Variants in EFR3B observed in about 807,000 individuals in gnomAD.
EFR3B encodes the protein EFR3 homolog B, also known as protein EFR3 homolog B.
In EFR3B, 64 loss-of-function variants were observed where a neutral mutation model predicts 104.7. The ratio of observed to expected loss-of-function variants is 0.61; its 90% CI spans 0.50 to 0.75. EFR3B has a LOEUF of 0.75. Among genes scored for constraint, EFR3B ranks in the 30% least tolerant of loss-of-function variants. The probability of loss-of-function intolerance (pLI) is 0.00; values close to 1 mark genes in which losing one functional copy is unlikely to be tolerated. For synonymous variants in EFR3B, 385 were observed against 417.9 expected, an observed-to-expected ratio of 0.92 and a Z score of 0.96; for missense variants, 750 against 1,078.5, an observed-to-expected ratio of 0.70 and a Z score of 4.27.
intron 5 of EFR3B, among the ~76,000 whole-genome samples, chr2:25,123,791 C>G (rs1281185052): frequency 6.6e-6 from 1 of 152,274 alleles, no homozygotes; most frequent in African/African-American, 2.4e-5. Context: ...TGCCACTGCA[C>G]ACACGTGCAC....
intron 1 of EFR3B, among the ~76,000 whole-genome samples, chr2:25,076,089 C>T (rs527431485): frequency 9.2e-5 from 14 of 151,724 alleles, no homozygotes; most frequent in African/African-American, 3.4e-4. Context: ...GATGAGGTCT[C>T]ACTTTGTTGC....
intron 3 of EFR3B, among the ~76,000 whole-genome samples, chr2:25,097,684 T>A (rs549549133): frequency 1.3e-5 from 2 of 152,300 alleles, no homozygotes; most frequent in African/African-American, 4.8e-5. Context: ...GCATGCAATA[T>A]GATGGGCAGT....
chr2:25,099,970 A>AG (rs1669386832), intron 3 of EFR3B, among the ~76,000 whole-genome samples: 1 of 152,048 alleles, frequency 6.6e-6, no homozygotes, highest in Non-Finnish European at 1.5e-5. Context: ...TGGGAGGCCG[A>AG]GGTGGGTGGG....
In EFR3B at chr2:25,130,209, G is replaced by A; in HGVS notation, c.770+100G>A. The A allele has an allele frequency of 1.3e-6, 2 of 1,496,498 alleles. No homozygotes were observed. The highest frequency in any genetic ancestry group is 2.5e-5 in the South Asian group (2 of 79,772). The allele number at this position is 1,496,498 out of a possible 1,614,324, so 92.7% of individuals were successfully genotyped here. On this transcript the variant is annotated intron_variant, in intron 7 of 22. Transcript: ENST00000403714. This position sits in a 1 kb window ranked among gnomAD's most constrained non-coding sequence, Gnocchi z 4.6. ...TGGCTGGGGGGAAGGGGATATTACA[G>A]TTGTGGTGCCGCAGCCGAGTCGATC...
intron 1 of EFR3B, among the ~76,000 whole-genome samples, chr2:25,087,482 A>ATTTTT (rs1191959079): frequency 7.1e-6 from 1 of 139,902 alleles, no homozygotes; most frequent in African/African-American, 2.6e-5. Context: ...GAAGAGCAGG[A>ATTTTT]TTTTTTTTTT....
At chr2:25,043,667 C>T (rs973101374) in intron 1 of EFR3B, among the ~76,000 whole-genome samples, 3 of 152,122 alleles carry the variant, frequency 2.0e-5, no homozygotes, top group Admixed American at 1.3e-4. Context: ...GTGCTGCTGA[C>T]CACTGGGGAC....
chr2:25,054,416 G>A (rs2149165631), intron 1 of EFR3B, among the ~76,000 whole-genome samples: 1 of 151,946 alleles, frequency 6.6e-6, no homozygotes, highest in African/African-American at 2.4e-5. Context: ...CTGCCTCCCA[G>A]GTTCAAGCGA....
intron 4 of EFR3B, among the ~76,000 whole-genome samples, chr2:25,109,627 A>G (rs1355502930): frequency 1.3e-5 from 2 of 152,234 alleles, no homozygotes; most frequent in African/African-American, 4.8e-5. Flanking sequence ...CAAAAAGGTC[A>G]CCTATTTATC....
rs1359122402 is a variant in EFR3B at position 25,091,409 on chromosome 2, A to T, written c.84+8A>T. 4 of 1,547,956 alleles carry T rather than the reference A, an allele frequency of 2.6e-6. No homozygotes were observed. Among genetic ancestry groups the T allele is most frequent in the South Asian group, 1.2e-5 (1 of 83,662 alleles). ...TTCCCTGAGGATCCCGAGGTGGGTC[A>T]TGTCTCTGGCAGGCATCGTGGCTCT... On this transcript the variant is annotated splice_region_variant and intron_variant, in intron 2 of 22. Transcript: ENST00000403714.
intron 3 of EFR3B, among the ~76,000 whole-genome samples, chr2:25,095,359 A>G (rs1669246679): frequency 6.6e-6 from 1 of 152,218 alleles, no homozygotes; most frequent in South Asian, 2.1e-4. Context: ...AAGTTAAAAA[A>G]TCAACAACAA....
At chr2:25,057,517 C>T (rs1167327505) in intron 1 of EFR3B, among the ~76,000 whole-genome samples, 3 of 152,156 alleles carry the variant, frequency 2.0e-5, no homozygotes, top group East Asian at 1.9e-4. Flanking sequence ...CACGGTGGCT[C>T]ACGCCTGTAA....
chr2:25,138,405 G>C (rs1028331107), intron 15 of EFR3B, among the ~76,000 whole-genome samples: 5 of 152,130 alleles, frequency 3.3e-5, no homozygotes, highest in African/African-American at 1.2e-4. Flanking sequence ...GTACACCCAA[G>C]GCTACTGGGA....
At chr2:25,063,283 T>C (rs2149170520) in intron 1 of EFR3B, among the ~76,000 whole-genome samples, 1 of 152,306 alleles carries the variant, frequency 6.6e-6, no homozygotes, top group South Asian at 2.1e-4. Flanking sequence ...TTTTGTGACC[T>C]CACAGCCCAC....
chr2:25,131,855 A>G lies in EFR3B; in HGVS notation c.1091A>G (p.Lys364Arg). 6.5e-7 allele frequency: 1 copy of G among 1,549,270 alleles called. No homozygotes were observed. Among genetic ancestry groups the G allele is most frequent in the Non-Finnish European group, 8.7e-7 (1 of 1,146,254 alleles). Residue 364 changes from lysine (K) to arginine (R), a missense_variant, in exon 10 of 23, where the codon AAG becomes AGG. Transcript: ENST00000403714. This position sits in a 1 kb window ranked among gnomAD's most constrained non-coding sequence, Gnocchi z 7.6. ...SYDGAVSLGT[K>R]IIKEHEERMF... ...GACGGGGCGGTCAGCCTCGGCACCA[A>G]GATCATCAAGGAGCACGAGGAGCGC...
intron 15 of EFR3B, 49 bp from the exon 16 acceptor site, chr2:25,139,010 T>TC: frequency 6.4e-7 from 1 of 1,550,542 alleles, no homozygotes. Context: ...TGGCACCCAG[T>TC]GTAGTCTGTC....
At position 25,042,112 on chromosome 2, in the gene EFR3B, CAGCCCG is replaced by C. The variant is rs1412573341; in HGVS notation, c.-200_-195del. 1 of 361,214 alleles carries C rather than the reference CAGCCCG, an allele frequency of 2.8e-6. No individual in the cohort carries two copies. Among genetic ancestry groups the C allele is most frequent in the Non-Finnish European group, 4.7e-6 (1 of 214,400 alleles). 22.4% of individuals were successfully genotyped at this position (361,214 alleles called of 1,614,324 possible). ...GCAACCCGAGCGGAGGCGGCCGCTGCAGCCCGGCGCTGAATGGGCTGGCGGCGCCCG... is the reference window on the plus strand; with the variant it reads ...GCAACCCGAGCGGAGGCGGCCGCTGCGCGCTGAATGGGCTGGCGGCGCCCG... On this transcript the variant is annotated 5_prime_UTR_variant, in exon 1 of 23. Transcript: ENST00000403714. The surrounding 1 kb of genome is among the most constrained non-coding windows in gnomAD (Gnocchi z 5.4).
intron 5 of EFR3B, among the ~76,000 whole-genome samples, chr2:25,124,277 A>AGTTGTGT (rs1670100425): frequency 8.0e-6 from 1 of 124,800 alleles, no homozygotes; most frequent in Non-Finnish European, 1.7e-5. Context: ...TGTGCATGCA[A>AGTTGTGT]GTGTGTGTGT....
rs1670558042 is a variant in EFR3B, at chr2:25,137,747, G to T, written c.1722+245G>T. Among the ~76,000 whole-genome samples the T allele has an allele frequency of 6.6e-6, 1 of 152,172 alleles. No homozygotes were observed. Among genetic ancestry groups the T allele is most frequent in the Admixed American group, 6.5e-5 (1 of 15,280 alleles). ...AGCTAAAGAAGACCCAGGGAACCGG[G>T]TCGTTCAGAAACATCCCTTAGCTAC... On this transcript the variant is annotated intron_variant, in intron 15 of 22. Transcript: ENST00000403714. The surrounding 1 kb of genome is among the most constrained non-coding windows in gnomAD (Gnocchi z 4.7).
At chr2:25,086,244 G>A (rs1300363881) in intron 1 of EFR3B, among the ~76,000 whole-genome samples, 4 of 152,166 alleles carry the variant, frequency 2.6e-5, no homozygotes, top group African/African-American at 9.7e-5. Flanking sequence ...AGGTTTTTGT[G>A]TAGACATAGT....
Sources: gnomAD v4.1 joint callset for allele counts (sites outside exome capture counted in the v4.1 genomes callset) on GRCh38, gnomAD v4.1.1 for gene constraint, Gnocchi (gnomAD v3.1) non-coding constraint, MANE v1.5 for transcripts, NCBI Gene and HGNC (gene_info 2026-07-23, HGNC 2026-07-21) for gene names.